Variants in NYAP2 observed in about 807,000 individuals in gnomAD.
NYAP2 encodes neuronal tyrosine-phosphorylated phosphoinositide-3-kinase adaptor 2.
A neutral mutation model predicts 50.4 loss-of-function variants in NYAP2; 23 were observed. The observed-to-expected ratio is 0.46, with a 90% confidence interval of 0.33 to 0.65. The LOEUF (loss-of-function observed/expected upper bound fraction) is 0.65. Among genes scored for constraint, NYAP2 ranks in the 30% least tolerant of loss-of-function variants. The probability of loss-of-function intolerance (pLI) is 0.02; values close to 1 mark genes in which losing one functional copy is unlikely to be tolerated. For synonymous variants in NYAP2, 394 were observed against 365.2 expected, an observed-to-expected ratio of 1.08 and a Z score of -0.90; for missense variants, 885 against 861.0, an observed-to-expected ratio of 1.03 and a Z score of -0.35.
chr2:225,636,844 G>A (rs948400032), intron 6 of NYAP2, among the ~76,000 whole-genome samples: 6 of 152,136 alleles, frequency 3.9e-5, no homozygotes, highest in Non-Finnish European at 8.8e-5. Flanking sequence ...CCCCCAAAAT[G>A]TGAGAAAGCA....
chr2:225,446,228 C>G (rs1261541728), intron 3 of NYAP2, among the ~76,000 whole-genome samples: 13 of 97,136 alleles, frequency 1.3e-4, no homozygotes, highest in African/African-American at 5.3e-4. Context: ...CTCTCTCTCT[C>G]TCTCTCTCTC....
the NYAP2 span, among the ~76,000 whole-genome samples, chr2:225,670,164 C>T: frequency 6.6e-6 from 1 of 152,248 alleles, no homozygotes; most frequent in African/African-American, 2.4e-5. Context: ...GTTCTGTATC[C>T]TTGGCCTTCA....
chr2:225,413,253 T>C (rs1455670058), intron 3 of NYAP2, among the ~76,000 whole-genome samples: 1 of 152,066 alleles, frequency 6.6e-6, no homozygotes, highest in African/African-American at 2.4e-5. Context: ...AGAGATAGTA[T>C]CTGGATAGGT....
At chr2:225,532,069 C>A (rs1348960347) in intron 4 of NYAP2, among the ~76,000 whole-genome samples, 1 of 152,210 alleles carries the variant, frequency 6.6e-6, no homozygotes, top group African/African-American at 2.4e-5. Context: ...GCTGAGATTT[C>A]TTTTCCTTAA....
At chr2:225,494,629 G>A (rs1690468653) in intron 3 of NYAP2, among the ~76,000 whole-genome samples, 1 of 152,184 alleles carries the variant, frequency 6.6e-6, no homozygotes, top group Non-Finnish European at 1.5e-5. Context: ...GAAATTATTT[G>A]CTTATAGGCC....
intron 6 of NYAP2, among the ~76,000 whole-genome samples, chr2:225,638,494 A>G (rs1693467102): frequency 6.6e-6 from 1 of 152,032 alleles, no homozygotes; most frequent in Non-Finnish European, 1.5e-5. Context: ...TATGGACCAG[A>G]TTTGGTCCTG....
intron 3 of NYAP2, among the ~76,000 whole-genome samples, chr2:225,436,383 T>G (rs753722840): frequency 6.6e-6 from 1 of 152,192 alleles, no homozygotes; most frequent in African/African-American, 2.4e-5. Flanking sequence ...TAGCTTGACA[T>G]GGTTTGCTGA....
At chr2:225,632,436 C>T (rs1313213648) in intron 6 of NYAP2, among the ~76,000 whole-genome samples, 1 of 152,166 alleles carries the variant, frequency 6.6e-6, no homozygotes. Context: ...AAACTTCTAC[C>T]AGTCACAGGC....
intron 5 of NYAP2, among the ~76,000 whole-genome samples, chr2:225,588,627 GAA>G: frequency 6.6e-6 from 1 of 152,220 alleles, no homozygotes; most frequent in Middle Eastern, 3.4e-3. Context: ...AATTATTTTG[GAA>G]AAAGTATTTT....
At chr2:225,476,134 C>T (rs539313248) in intron 3 of NYAP2, among the ~76,000 whole-genome samples, 3 of 152,286 alleles carry the variant, frequency 2.0e-5, no homozygotes, top group Admixed American at 1.3e-4. Flanking sequence ...TTTTTACTGA[C>T]GGGGTGTGGT....
At chr2:225,407,985 TAC>T (rs543248495) in intron 2 of NYAP2, among the ~76,000 whole-genome samples, 65 of 152,104 alleles carry the variant, frequency 4.3e-4, no homozygotes, top group Admixed American at 3.4e-3. Context: ...CTAAATTATT[TAC>T]AGTCTTCATC....
At chr2:225,570,838 C>A (rs970100405) in intron 4 of NYAP2, among the ~76,000 whole-genome samples, 2 of 152,180 alleles carry the variant, frequency 1.3e-5, no homozygotes, top group African/African-American at 2.4e-5. Context: ...ACCCAAAAGG[C>A]CAAGTCCAAA....
intron 4 of NYAP2, among the ~76,000 whole-genome samples, chr2:225,541,818 T>G (rs948979082): frequency 2.6e-5 from 4 of 152,168 alleles, no homozygotes; most frequent in Non-Finnish European, 5.9e-5. Flanking sequence ...TTTCTATTCC[T>G]GTGAAGAATG....
At chr2:225,675,787 T>G in the NYAP2 span, among the ~76,000 whole-genome samples, 1 of 152,154 alleles carries the variant, frequency 6.6e-6, no homozygotes, top group Non-Finnish European at 1.5e-5. Flanking sequence ...CTCTTTTCTC[T>G]GCTCCCTTGA....
intron 3 of NYAP2, among the ~76,000 whole-genome samples, chr2:225,424,447 A>G (rs1695257680): frequency 6.6e-6 from 1 of 152,052 alleles, no homozygotes; most frequent in Admixed American, 6.6e-5. Flanking sequence ...TAGCTCATAA[A>G]TTAACATAGA....
chr2:225,545,424 T>C (rs924057981), intron 4 of NYAP2, among the ~76,000 whole-genome samples: 14 of 152,138 alleles, frequency 9.2e-5, no homozygotes, highest in African/African-American at 2.9e-4. Context: ...AAATAGCCTG[T>C]ATTTGAGCTC....
rs201552006 is a variant in NYAP2 at position 225,449,601 on chromosome 2, C to CTTTT, written c.221+40522_221+40525dup. ...ACCAGATCTCTCTCTCTCTCTTTCT[C>CTTTT]TTTTTTTTTTTTTTTTTTTTTTTTT... On this transcript the variant is annotated intron_variant, in intron 3 of 6. Transcript: ENST00000636099. Among the ~76,000 whole-genome samples, 84 of 96,302 alleles carry CTTTT rather than the reference C, an allele frequency of 8.7e-4. 1 individual carries two copies. The highest frequency in any genetic ancestry group is 2.0e-3 in the African/African-American group (46 of 22,820). 63.2% of individuals were successfully genotyped at this position (96,302 alleles called of 152,430 possible).
At chr2:225,519,071 C>T (rs763781762) in intron 4 of NYAP2, among the ~76,000 whole-genome samples, 2 of 151,708 alleles carry the variant, frequency 1.3e-5, no homozygotes, top group East Asian at 3.9e-4. Flanking sequence ...TGCACAATGG[C>T]CCAAATAAAC....
chr2:225,684,661 G>A, the NYAP2 span, among the ~76,000 whole-genome samples: 1 of 151,518 alleles, frequency 6.6e-6, no homozygotes. Context: ...AAGCGATTCT[G>A]CTGCCTCAGC....
Sources: allele counts gnomAD v4.1 joint callset (sites outside exome capture counted in the v4.1 genomes callset), GRCh38; gene constraint gnomAD v4.1.1; transcripts MANE v1.5; gene names NCBI Gene and HGNC (gene_info 2026-07-23, HGNC 2026-07-21).